The following PLAUR variants were observed in gnomAD, a reference collection of about 807,000 sequenced individuals.
The protein encoded by PLAUR is urokinase plasminogen activator surface receptor.
In PLAUR, 22 loss-of-function variants were observed where a neutral mutation model predicts 33.4. The observed-to-expected ratio is 0.66, with a 90% CI of 0.47 to 0.94. The LOEUF (loss-of-function observed/expected upper bound fraction) is 0.94. PLAUR is among the 40% of genes least tolerant of loss of function. PLAUR has a pLI of 0.00. For missense variants in PLAUR, 408 were observed against 434.7 expected, an observed-to-expected ratio of 0.94 and a Z score of 0.55; for synonymous variants, 148 against 167.3, an observed-to-expected ratio of 0.88 and a Z score of 0.89.
At chr19:43,663,827 A>C (rs1298731759) in intron 3 of PLAUR, among the ~76,000 whole-genome samples, 5 of 116,504 alleles carry the variant, frequency 4.3e-5, no homozygotes, top group African/African-American at 1.8e-4. Flanking sequence ...AAAAGGAAAC[A>C]AAAAAAAAAA....
Position 43,657,528 on chromosome 19 carries a change from T to C in PLAUR, c.311-888A>G, listed in dbSNP as rs755630376. On this transcript the variant is annotated intron_variant, in intron 3 of 6. Transcript: ENST00000340093. ...TCTGTCTAGAACACCTTTCCTTTGC[T>C]CTCTGCCTTCCCTAACTCCTACTCA... Among the ~76,000 whole-genome samples the C allele has an allele frequency of 1.4e-4, 21 of 152,210 alleles. 1 individual carries two copies. Among genetic ancestry groups the C allele is most frequent in the Non-Finnish European group, 2.1e-4 (14 of 68,048 alleles).
At chr19:43,646,987 G>A (rs1178616361), downstream of PLAUR, among the ~76,000 whole-genome samples, 1 of 151,866 alleles carries the variant, frequency 6.6e-6, no homozygotes, top group Admixed American at 6.6e-5. Flanking sequence ...TGCCAAATTG[G>A]CCAGGCTGGT....
intron 6 of PLAUR, among the ~76,000 whole-genome samples, chr19:43,650,230 C>A (rs556354781): frequency 6.6e-6 from 1 of 151,344 alleles, no homozygotes; most frequent in South Asian, 2.1e-4. Context: ...AGGCTGGTCT[C>A]GAACTCCTGA....
Position 43,649,140 on chromosome 19 carries a change from G to A in PLAUR, c.758C>T (p.Pro253Leu), listed in dbSNP as rs761025890. Residue 253 changes from proline to leucine, a missense_variant, in exon 7 of 7, where the codon CCG (proline) becomes CTG (leucine). Coordinates refer to ENST00000340093, the MANE Select transcript of PLAUR (RefSeq NM_002659.4). ...TCTTACCATATAGCTTTGGTTTTTC[G>A]GTTCTGAGGAAAGAGAAGACGGAGT... The part of the protein sequence containing the change: ...QCLVATGTHE[P>L]KNQSYMVRGC... 33 of 1,603,828 alleles carry A rather than the reference G, an allele frequency of 2.1e-5. No homozygotes were observed. Among genetic ancestry groups the A allele is most frequent in the East Asian group, 9.0e-5 (4 of 44,580 alleles).
Position 43,665,323 on chromosome 19 carries a change from G to GC in PLAUR, c.302dup (p.Asn102GlnfsTer27). On this transcript the variant is annotated frameshift_variant, in exon 3 of 7. Coordinates refer to ENST00000340093, the MANE Select transcript of PLAUR (RefSeq NM_002659.4). ...AAGGGCTGCCCTACTCACCAGAGTT[G>GC]CCCTGGTTGCACAAGTCTAACCCAC... is the stretch of plus-strand genomic sequence containing the variant. 6.2e-7 allele frequency: 1 copy of GC among 1,613,944 alleles called. No individual in the cohort carries two copies. Among genetic ancestry groups the GC allele is most frequent in the African/African-American group, 1.3e-5 (1 of 74,978 alleles).
intron 3 of PLAUR, among the ~76,000 whole-genome samples, chr19:43,663,797 C>G (rs965828599): frequency 2.2e-4 from 14 of 62,534 alleles, no homozygotes; most frequent in Admixed American, 5.9e-4. Flanking sequence ...AACAAACAAA[C>G]AAAAAAAAAA....
At chr19:43,661,627 G>A (rs1325844017) in intron 3 of PLAUR, 3 of 152,138 alleles carry the variant, frequency 2.0e-5, no homozygotes, top group African/African-American at 7.2e-5. Flanking sequence ...GAACTCATGA[G>A]CTCGAGCAAT....
chr19:43,659,167 C>CTCTTTTTT (rs1555780397), intron 3 of PLAUR, among the ~76,000 whole-genome samples: 1 of 97,138 alleles, frequency 1.0e-5, no homozygotes, highest in East Asian at 2.9e-4. Context: ...CTTTTCTTTT[C>CTCTTTTTT]TTTTTTTTTT....
chr19:43,663,877 T>C (rs1967117367), intron 3 of PLAUR, among the ~76,000 whole-genome samples: 1 of 150,606 alleles, frequency 6.6e-6, no homozygotes, highest in African/African-American at 2.4e-5. Flanking sequence ...TATAGGTATC[T>C]CAGTTATTAG....
chr19:43,648,316 C>G (rs1973858684), downstream of PLAUR, among the ~76,000 whole-genome samples: 1 of 152,110 alleles, frequency 6.6e-6, no homozygotes, highest in Admixed American at 6.6e-5. Context: ...GCTGGGACTA[C>G]AGGCACCCGC....
chr19:43,647,190 T>C (rs1226183672), downstream of PLAUR, among the ~76,000 whole-genome samples: 1 of 152,220 alleles, frequency 6.6e-6, no homozygotes, highest in Non-Finnish European at 1.5e-5. Flanking sequence ...TTTTCAATAT[T>C]GTGCTCCTAG....
chr19:43,656,962 G>A (rs555077215), intron 3 of PLAUR, among the ~76,000 whole-genome samples: 3 of 129,302 alleles, frequency 2.3e-5, no homozygotes, highest in South Asian at 2.4e-4. Flanking sequence ...TTTTTTTCCC[G>A]AGACAGAGTC....
chr19:43,651,984 C>T, intron 6 of PLAUR: 2 of 1,248,006 alleles, frequency 1.6e-6, no homozygotes, highest in South Asian at 1.9e-5. Flanking sequence ...TCCCAAAGTG[C>T]TGAGAGTACA....
At position 43,655,526 on chromosome 19, in the gene PLAUR, C is replaced by T. The variant is rs770033885; in HGVS notation, c.520G>A (p.Gly174Ser). Residue 174 changes from glycine to serine, a missense_variant, in exon 5 of 7, where the codon GGC (glycine) becomes AGC (serine). Transcript: ENST00000340093. ...RHLRGCGYLP[G>S]CPGSNGFHNN... ...TGGAAACCATTGGAGCCCGGGCAGCCGGGAAGGTAGCCACAGCCACGGAGG... is the reference window on the plus strand; with the variant it reads ...TGGAAACCATTGGAGCCCGGGCAGCTGGGAAGGTAGCCACAGCCACGGAGG... 5.6e-6 allele frequency: 9 copies of T among 1,613,792 alleles called. No individual in the cohort carries two copies. The highest frequency in any genetic ancestry group is 4.0e-5 in the African/African-American group (3 of 74,936).
chr19:43,652,368 A>G lies in PLAUR; in HGVS notation c.611T>C (p.Leu204Pro), dbSNP rs150879389. 7.4e-6 allele frequency: 12 copies of G among 1,613,860 alleles called. No homozygotes were observed. The African/African-American group carries it at 1.5e-4, about 20-fold the overall frequency. Residue 204 changes from leucine to proline, a missense_variant, in exon 6 of 7, where the codon CTG becomes CCG. By Grantham distance (98) the Leu-to-Pro change is moderately conservative (BLOSUM62 -3). Coordinates refer to ENST00000340093, the MANE Select transcript of PLAUR (RefSeq NM_002659.4). ...NTTKCNEGPI[L>P]ELENLPQNGR... ...ATTCTGCGGCAGATTTTCAAGCTCC[A>G]GGACTTAGGAGAAGACCAGAGACAC...
chr19:43,665,316 CAG>C lies in PLAUR; in HGVS notation c.308_309del (p.Ser103TrpfsTer25), dbSNP rs781297129. On this transcript the variant is annotated frameshift_variant and splice_region_variant, in exon 3 of 7. Transcript: ENST00000340093. ...GGATGGCAAGGGCTGCCCTACTCAC[CAG>C]AGTTGCCCTGGTTGCACAAGTCTAA... ...CGLDLCNQGN[S>X]GRAVTYSRSR... is the part of the protein sequence containing the mutation. The C allele has an allele frequency of 4.3e-6, 7 of 1,613,816 alleles. No homozygotes were observed. In the African/African-American group the frequency reaches 9.4e-5, roughly 22 times the overall value.
chr19:43,669,975 A>G (rs1967452991), intron 1 of PLAUR, 91 bp downstream of exon 1: 4 of 1,227,268 alleles, frequency 3.3e-6, no homozygotes, highest in Non-Finnish European at 4.7e-6. Context: ...CTGAGGACTG[A>G]ACCGCATTCC....
intron 5 of PLAUR, among the ~76,000 whole-genome samples, chr19:43,653,722 G>A (rs1328327793): frequency 1.3e-5 from 2 of 152,220 alleles, no homozygotes; most frequent in Non-Finnish European, 2.9e-5. Flanking sequence ...GCTCATGCCT[G>A]TAATCCCAGC....
chr19:43,646,659 T>C (rs1973829227), downstream of PLAUR: 1 of 655,160 alleles, frequency 1.5e-6, no homozygotes, highest in Admixed American at 2.2e-5. Flanking sequence ...GAGTCACTCA[T>C]ATTCAAGAGG....
Sources: allele counts gnomAD v4.1 joint callset (sites outside exome capture counted in the v4.1 genomes callset), GRCh38; gene constraint gnomAD v4.1.1; transcripts MANE v1.5; gene names NCBI Gene and HGNC (gene_info 2026-07-23, HGNC 2026-07-21).